Variants in GRAMD1C observed in about 807,000 individuals in gnomAD.
GRAMD1C encodes the protein protein Aster-C.
Under a neutral mutation model 97.8 loss-of-function variants are expected in GRAMD1C, and 89 were observed. The ratio of observed to expected loss-of-function variants is 0.91; its 90% CI spans 0.77 to 1.09. The LOEUF is 1.09. Among genes scored for constraint, GRAMD1C ranks in the 50% least tolerant of loss-of-function variants. The pLI is 0.00. For synonymous variants in GRAMD1C, 256 were observed against 267.0 expected (o/e 0.96, Z 0.40); for missense variants, 740 against 766.4 (o/e 0.97, Z 0.41).
chr3:113,874,564 T>C (rs2256281), intron 3 of GRAMD1C, among the ~76,000 whole-genome samples: 146,044 of 152,212 alleles, frequency 0.96, 70,349 homozygotes, highest in East Asian at 1. Flanking sequence ...AGGTTGGTCT[T>C]GAACTTCAGA....
At chr3:113,854,442 AG>A (rs1258289251) in intron 2 of GRAMD1C, among the ~76,000 whole-genome samples, 1 of 152,180 alleles carries the variant, frequency 6.6e-6, no homozygotes, top group African/African-American at 2.4e-5. Flanking sequence ...AATCTTAAAA[AG>A]CGTGGTGTCC....
intron 6 of GRAMD1C, among the ~76,000 whole-genome samples, chr3:113,900,409 A>AATT (rs146979804): frequency 0.21 from 28,471 of 137,276 alleles, 3,051 homozygotes; most frequent in African/African-American, 0.25. Flanking sequence ...AGTATGAACA[A>AATT]ATTATTATTA....
intron 1 of GRAMD1C, among the ~76,000 whole-genome samples, chr3:113,830,541 T>G (rs958825563): frequency 1.3e-5 from 2 of 152,210 alleles, no homozygotes; most frequent in African/African-American, 4.8e-5. Context: ...TTAGGCTATA[T>G]GGAATAGCCT....
chr3:113,903,086 T>A (rs905241269), intron 7 of GRAMD1C, among the ~76,000 whole-genome samples: 1 of 151,342 alleles, frequency 6.6e-6, no homozygotes. Flanking sequence ...TGCCTCAGCC[T>A]CCCAAGTAGC....
intron 10 of GRAMD1C, chr3:113,919,493 A>G: frequency 3.8e-6 from 2 of 531,848 alleles, no homozygotes; most frequent in South Asian, 2.9e-5. Flanking sequence ...TATAAACCTA[A>G]TGAAAGAACT....
At chr3:113,828,227 A>G (rs1440015509) in exon 1 of GRAMD1C, 1 of 152,298 alleles carries the variant, frequency 6.6e-6, no homozygotes. Flanking sequence ...AGATGTCCAT[A>G]TGGAGAGGAA....
intron 5 of GRAMD1C, among the ~76,000 whole-genome samples, chr3:113,882,181 CAT>C (rs1283694855): frequency 2.0e-5 from 3 of 152,130 alleles, no homozygotes; most frequent in Non-Finnish European, 4.4e-5. Context: ...TAGATTGAAA[CAT>C]ACTACTTTTC....
chr3:113,834,210 C>T (rs534751953), upstream of GRAMD1C, among the ~76,000 whole-genome samples: 1 of 152,250 alleles, frequency 6.6e-6, no homozygotes, highest in Middle Eastern at 3.4e-3. Context: ...GACAGAGTCT[C>T]ACCCTGTCAC....
At position 113,849,261 on chromosome 3, in the gene GRAMD1C, T is replaced by C. The variant is rs542891604; in HGVS notation, c.174+4612T>C. Among the ~76,000 whole-genome samples, 9 of 149,686 alleles carry C rather than the reference T, an allele frequency of 6.0e-5. No homozygotes were observed. In the East Asian group the frequency reaches 1.8e-3, roughly 29 times the overall value. On this transcript the variant is annotated intron_variant, in intron 2 of 17. Coordinates refer to ENST00000358160, the MANE Select transcript of GRAMD1C (RefSeq NM_017577.5). ...AGTAATAGTGCTTTGGATAAGCTAG[T>C]TAATATTTTATTTATTTATTTATTT...
chr3:113,864,983 G>T (rs915684216), intron 2 of GRAMD1C, among the ~76,000 whole-genome samples: 1 of 152,138 alleles, frequency 6.6e-6, no homozygotes. Context: ...AGAACACCTA[G>T]ACTGGGTAAT....
chr3:113,908,794 C>T (rs1278689120), intron 8 of GRAMD1C, among the ~76,000 whole-genome samples, 164 bp from the exon 9 acceptor site: 4 of 151,836 alleles, frequency 2.6e-5, no homozygotes, highest in East Asian at 1.9e-4. Context: ...TTTTACGGAC[C>T]GACATTTAAT....
Position 113,875,599 on chromosome 3 carries a change from TG to T in GRAMD1C, c.363+13del, listed in dbSNP as rs575003489. 75 of 1,108,894 alleles carry T rather than the reference TG, an allele frequency of 6.8e-5. 1 individual carries two copies. In the South Asian group the frequency reaches 7.7e-4, roughly 11 times the overall value. 68.7% of individuals were successfully genotyped at this position (1,108,894 alleles called of 1,614,324 possible). A position where few individuals can be genotyped will look rare whatever the true frequency, so the allele number is the denominator to read the frequency against. ...GATGGGAAACTACAGTAAGACATTTTGCATTTGATTTGTTGATACAAATAAT... is the reference window on the plus strand; with the variant it reads ...GATGGGAAACTACAGTAAGACATTTTCATTTGATTTGTTGATACAAATAAT... On this transcript the variant is annotated intron_variant, in intron 4 of 17. Coordinates refer to ENST00000358160, the MANE Select transcript of GRAMD1C (RefSeq NM_017577.5).
At chr3:113,855,723 A>AAAG in intron 2 of GRAMD1C, among the ~76,000 whole-genome samples, 1 of 151,860 alleles carries the variant, frequency 6.6e-6, no homozygotes, top group Admixed American at 6.6e-5. Flanking sequence ...AAAAAGAAAG[A>AAAG]AAAAAATCAT....
intron 2 of GRAMD1C, among the ~76,000 whole-genome samples, chr3:113,849,861 A>C (rs1219008272): frequency 6.6e-6 from 1 of 151,870 alleles, no homozygotes. Context: ...ACTTCCCAGT[A>C]GGGGCGGCCG....
chr3:113,896,366 C>A (rs927017351), intron 6 of GRAMD1C, among the ~76,000 whole-genome samples: 2 of 152,018 alleles, frequency 1.3e-5, no homozygotes, highest in African/African-American at 4.8e-5. Context: ...TTTTTGCTGG[C>A]CACTCCTCTA....
chr3:113,925,146 T>G (rs1937189959), intron 10 of GRAMD1C, among the ~76,000 whole-genome samples: 1 of 152,200 alleles, frequency 6.6e-6, no homozygotes, highest in Admixed American at 6.5e-5. Context: ...CTCCACCCCT[T>G]TACATTGAGC....
chr3:113,916,175 C>A (rs1238180944), intron 10 of GRAMD1C, among the ~76,000 whole-genome samples: 1 of 152,158 alleles, frequency 6.6e-6, no homozygotes, highest in Non-Finnish European at 1.5e-5. Flanking sequence ...TAAATTGGAA[C>A]AACCACTTTG....
chr3:113,857,849 C>T (rs1284890572), intron 2 of GRAMD1C, among the ~76,000 whole-genome samples: 1 of 152,136 alleles, frequency 6.6e-6, no homozygotes, highest in East Asian at 1.9e-4. Context: ...GGAATGAACT[C>T]CACTTGGTCA....
At chr3:113,845,472 G>T (rs1183612343) in intron 2 of GRAMD1C, among the ~76,000 whole-genome samples, 2 of 152,062 alleles carry the variant, frequency 1.3e-5, no homozygotes, top group African/African-American at 4.8e-5. Context: ...TGGGCAGATT[G>T]CTTGAGCCCA....
Sources: gnomAD v4.1 joint callset for allele counts (sites outside exome capture counted in the v4.1 genomes callset) on GRCh38, gnomAD v4.1.1 for gene constraint, MANE v1.5 for transcripts, NCBI Gene and HGNC (gene_info 2026-07-23, HGNC 2026-07-21) for gene names.